AGO4: variants seen among roughly 807,000 people sequenced by gnomAD.
AGO4 encodes the protein protein argonaute-4.
In AGO4, 33 loss-of-function variants were observed where a neutral mutation model predicts 104.7. The observed-to-expected ratio is 0.32, with a 90% CI of 0.24 to 0.42. The LOEUF is 0.42. Ranked by LOEUF, AGO4 falls within the 10% of genes least tolerant of loss-of-function variation. AGO4 has a pLI of 1.00. For missense variants in AGO4, 711 were observed against 1,083.4 expected (o/e 0.66, Z 4.83); for synonymous variants, 331 against 364.7 (o/e 0.91, Z 1.05).
At chr1:35,848,618 T>C (rs1449516045) in intron 15 of AGO4, among the ~76,000 whole-genome samples, 1 of 151,880 alleles carries the variant, frequency 6.6e-6, no homozygotes, top group Non-Finnish European at 1.5e-5. Flanking sequence ...CTTCAGGCTG[T>C]CATATGTAGA....
intron 17 of AGO4, among the ~76,000 whole-genome samples, chr1:35,851,948 C>T (rs1053425040): frequency 6.6e-6 from 1 of 152,024 alleles, no homozygotes; most frequent in Non-Finnish European, 1.5e-5. Flanking sequence ...ACAAGTAGCC[C>T]AAGTCAGTAC....
At chr1:35,814,815 G>A (rs1643638104) in intron 1 of AGO4, among the ~76,000 whole-genome samples, 1 of 152,144 alleles carries the variant, frequency 6.6e-6, no homozygotes, top group Non-Finnish European at 1.5e-5. Context: ...ATGGTGATCT[G>A]TAACCATAAA....
At chr1:35,850,123 T>G in intron 15 of AGO4, 34 bp from the exon 16 acceptor site, 1 of 1,492,130 alleles carries the variant, frequency 6.7e-7, no homozygotes, top group Non-Finnish European at 9.1e-7. Flanking sequence ...GTTTGGCACT[T>G]TGATGACTAA....
chr1:35,825,783 C>G lies in AGO4; in HGVS notation c.593C>G (p.Pro198Arg). ...VWFGFHQSVR[P>R]AMWNMMLNID... ...TTTGGTTTTCATCAGTCTGTGAGAC[C>G]TGCCATGTGGAATATGATGCTCAAC... Residue 198 changes from proline (P) to arginine (R), a missense_variant, in exon 5 of 18, where the codon CCT becomes CGT. Transcript: ENST00000373210. 6.3e-7 allele frequency: 1 copy of G among 1,594,412 alleles called. No individual in the cohort carries two copies. Among genetic ancestry groups the G allele is most frequent in the South Asian group, 1.1e-5 (1 of 87,466 alleles).
In AGO4 at chr1:35,831,835, G is replaced by A. The variant is rs750620208; in HGVS notation, c.1020G>A (p.Gln340=). ...PLEVCNIVAG[Q]RCIKKLTDNQ... ...AGGTCTGTAATATAGTGGCAGGACA[G>A]CGATGTATCAAGAAGCTCACAGACA... Residue 340 remains glutamine, a synonymous_variant, in exon 9 of 18, where the codon CAG becomes CAA. Coordinates refer to ENST00000373210, the MANE Select transcript of AGO4 (RefSeq NM_017629.4). The A allele has an allele frequency of 6.8e-6, 11 of 1,613,946 alleles. No individual in the cohort carries two copies. In the African/African-American group the frequency reaches 1.2e-4, roughly 18 times the overall value.
chr1:35,829,199 T>C (rs541538841), intron 7 of AGO4, among the ~76,000 whole-genome samples: 7 of 152,282 alleles, frequency 4.6e-5, no homozygotes, highest in Non-Finnish European at 1.0e-4. Flanking sequence ...TTCAGTCTGA[T>C]TGGAATAAAT....
rs749366407 is a variant in AGO4 at position 35,825,997 on chromosome 1, A to G, written c.697A>G (p.Ile233Val). 6.2e-6 allele frequency: 10 copies of G among 1,614,200 alleles called. No individual in the cohort carries two copies. The South Asian group carries it at 6.6e-5, about 11-fold the overall frequency. Reference sequence around the variant, plus strand: ...GTGTGAGGTTTTAGACATTCAGAACATCAATGAACAGACCAAACCTCTAAC... The same window carrying G: ...GTGTGAGGTTTTAGACATTCAGAACGTCAATGAACAGACCAAACCTCTAAC... The part of the protein sequence containing the change: ...FMCEVLDIQN[I>V]NEQTKPLTDS... The change falls in exon 6 of 18, where the codon ATC becomes GTC. Residue 233 changes from isoleucine to valine, a missense_variant. Ile to Val is a conservative substitution (Grantham distance 29). Coordinates refer to ENST00000373210, the MANE Select transcript of AGO4 (RefSeq NM_017629.4).
chr1:35,830,108 C>T (rs1644142503), intron 7 of AGO4, among the ~76,000 whole-genome samples: 1 of 142,332 alleles, frequency 7.0e-6, no homozygotes, highest in Non-Finnish European at 1.5e-5. Flanking sequence ...CATGCCACTG[C>T]ACTCCAGCCT....
intron 2 of AGO4, among the ~76,000 whole-genome samples, chr1:35,818,650 A>G (rs6674146): frequency 0.075 from 3,451 of 45,746 alleles, 42 homozygotes; most frequent in African/African-American, 0.099. Context: ...AGAAAGAAAG[A>G]AAGAAAGAAA....
chr1:35,818,927 C>G (rs1433879990), intron 2 of AGO4, among the ~76,000 whole-genome samples: 1 of 152,046 alleles, frequency 6.6e-6, no homozygotes, highest in East Asian at 1.9e-4. Flanking sequence ...ATGGATTGCC[C>G]TGGATGCTGT....
chr1:35,839,611 A>G (rs2148676038), intron 13 of AGO4, among the ~76,000 whole-genome samples: 1 of 152,246 alleles, frequency 6.6e-6, no homozygotes, highest in Middle Eastern at 3.4e-3. Flanking sequence ...TACGTTGTAT[A>G]TGTAAGCTGT....
Position 35,826,615 on chromosome 1 carries a change from G to A in AGO4, c.761-133G>A, listed in dbSNP as rs142325378. 23 of 792,536 alleles carry A rather than the reference G, an allele frequency of 2.9e-5. No homozygotes were observed. In the East Asian group the frequency reaches 5.1e-4, roughly 17 times the overall value. The allele number at this position is 792,536 out of a possible 1,614,324, so 49.1% of individuals were successfully genotyped here. ...TTAACTCAGGTTTTTTGCCTATAAC[G>A]ATGAAATTGTCCCCATATTCTTGCA... On this transcript the variant is annotated intron_variant, in intron 6 of 17. Coordinates refer to ENST00000373210, the MANE Select transcript of AGO4 (RefSeq NM_017629.4).
rs1643407753 is a variant in AGO4 at position 35,808,954 on chromosome 1, A to G, written c.19+519A>G. On this transcript the variant is annotated intron_variant, in intron 1 of 17. Transcript: ENST00000373210. This position sits in a 1 kb window ranked among gnomAD's most constrained non-coding sequence, Gnocchi z 5.2. ...CACCTCTCATGATCTCTGAAGGTCA[A>G]GGGACAAAATGCCCACCCTTTCTGA... 6.6e-6 allele frequency among the ~76,000 whole-genome samples: 1 copy of G among 152,230 alleles called. No individual in the cohort carries two copies. Among genetic ancestry groups the G allele is most frequent in the Non-Finnish European group, 1.5e-5 (1 of 68,046 alleles).
At chr1:35,813,534 A>G (rs1056515009) in intron 1 of AGO4, among the ~76,000 whole-genome samples, 2 of 152,052 alleles carry the variant, frequency 1.3e-5, no homozygotes, top group African/African-American at 4.8e-5. Context: ...AGGTGGGCAG[A>G]TTGCTTGACC....
chr1:35,827,895 C>T (rs1251433549), intron 7 of AGO4, among the ~76,000 whole-genome samples: 2 of 146,994 alleles, frequency 1.4e-5, no homozygotes, highest in South Asian at 2.2e-4. Context: ...GGATTACAGG[C>T]ATGCACCACC....
At position 35,809,859 on chromosome 1, in the gene AGO4, A is replaced by G. The variant is rs945892336; in HGVS notation, c.19+1424A>G. On this transcript the variant is annotated intron_variant, in intron 1 of 17. Transcript: ENST00000373210. ...TATGATAAGTCTTATTGTAGAGACTAGTGCCTATAGATGCTCAACAGATGT... is the reference window on the plus strand; with the variant it reads ...TATGATAAGTCTTATTGTAGAGACTGGTGCCTATAGATGCTCAACAGATGT... 5.9e-5 allele frequency among the ~76,000 whole-genome samples: 9 copies of G among 152,356 alleles called. No individual in the cohort carries two copies. The Middle Eastern group carries it at 0.01, about 173-fold the overall frequency.
chr1:35,834,017 C>G lies in AGO4; in HGVS notation c.1407C>G (p.Ile469Met), dbSNP rs1219429074. Residue 469 changes from isoleucine to methionine, a missense_variant, in exon 12 of 18, where the codon ATC (isoleucine) becomes ATG (methionine). Coordinates refer to ENST00000373210, the MANE Select transcript of AGO4 (RefSeq NM_017629.4). ...GTTTCACTGACCAGCTGCGTAAAAT[C>G]TCTAAGGATGCAGGAATGCCCATCC... is the stretch of plus-strand genomic sequence containing the variant. ...LKSFTDQLRK[I>M]SKDAGMPIQG... 1 of 1,587,276 alleles carries G rather than the reference C, an allele frequency of 6.3e-7. No individual in the cohort carries two copies. The highest frequency in any genetic ancestry group is 8.6e-7 in the Non-Finnish European group (1 of 1,166,430).
chr1:35,824,233 A>G (rs954559718), intron 3 of AGO4, among the ~76,000 whole-genome samples: 1 of 152,000 alleles, frequency 6.6e-6, no homozygotes, highest in African/African-American at 2.4e-5. Context: ...CGCCTCCACC[A>G]CTTATCTGCA....
In AGO4 at chr1:35,824,224, G is replaced by A. The variant is rs1030155918; in HGVS notation, c.307-1089G>A. On this transcript the variant is annotated intron_variant, in intron 3 of 17. Transcript: ENST00000373210. ...CAATCTAGAAATGCTGTGATTTACC[G>A]CCTCCACCACTTATCTGCACCCTCA... Among the ~76,000 whole-genome samples, 4 of 151,826 alleles carry A rather than the reference G, an allele frequency of 2.6e-5. No individual in the cohort carries two copies. The South Asian group carries it at 6.2e-4, about 24-fold the overall frequency.
Sources: allele counts gnomAD v4.1 joint callset (sites outside exome capture counted in the v4.1 genomes callset), GRCh38; gene constraint gnomAD v4.1.1; non-coding constraint Gnocchi (gnomAD v3.1); transcripts MANE v1.5; gene names NCBI Gene and HGNC (gene_info 2026-07-23, HGNC 2026-07-21).